ITSN1: variants seen among roughly 807,000 people sequenced by gnomAD.
The protein encoded by ITSN1 is intersectin-1.
Under a neutral mutation model 239.8 loss-of-function variants are expected in ITSN1, and 58 were observed. That is an observed-to-expected ratio of 0.24 (90% CI 0.20 to 0.30). ITSN1 has a LOEUF of 0.30. Ranked by LOEUF, ITSN1 falls within the 10% of genes least tolerant of loss-of-function variation. The probability of loss-of-function intolerance (pLI) is 1.00; values close to 1 mark genes in which losing one functional copy is unlikely to be tolerated. For missense variants in ITSN1, 1,558 were observed against 2,103.3 expected, an observed-to-expected ratio of 0.74 and a Z score of 5.07; for synonymous variants, 780 against 770.8, an observed-to-expected ratio of 1.01 and a Z score of -0.20.
At chr21:33,705,671 C>T (rs1024203075) in intron 1 of ITSN1, among the ~76,000 whole-genome samples, 20 of 152,206 alleles carry the variant, frequency 1.3e-4, no homozygotes, top group Admixed American at 5.2e-4. Flanking sequence ...GGATTACAGG[C>T]GTGAGCCACT....
intron 5 of ITSN1, among the ~76,000 whole-genome samples, chr21:33,738,767 C>T (rs141300348): frequency 0.019 from 2,815 of 152,052 alleles, 38 homozygotes; most frequent in Non-Finnish European, 0.026. Context: ...GGTGACATGA[C>T]GTGTCACTCT....
chr21:33,879,792 G>A (rs533957340), intron 34 of ITSN1, among the ~76,000 whole-genome samples: 60 of 152,270 alleles, frequency 3.9e-4, no homozygotes, highest in Non-Finnish European at 7.5e-4. Flanking sequence ...AGATTCTCCT[G>A]CCTCAGCTTC....
intron 30 of ITSN1, among the ~76,000 whole-genome samples, 182 bp downstream of exon 30, chr21:33,857,039 A>C (rs1248246226): frequency 1.3e-5 from 2 of 152,192 alleles, no homozygotes; most frequent in African/African-American, 4.8e-5. Context: ...TTGCTTATCC[A>C]TGGCCAACAT....
intron 26 of ITSN1, chr21:33,829,276 T>C (rs2074151858): frequency 2.9e-6 from 1 of 343,864 alleles, no homozygotes; most frequent in African/African-American, 2.1e-5. Flanking sequence ...GCCCCACCCT[T>C]GGCCTCAGGG....
intron 7 of ITSN1, among the ~76,000 whole-genome samples, chr21:33,753,299 A>G (rs1176963494): frequency 6.6e-6 from 1 of 152,208 alleles, no homozygotes; most frequent in East Asian, 1.9e-4. Flanking sequence ...TGCCAGGCAC[A>G]TCATTAATCC....
At chr21:33,780,903 A>G (rs1277236502) in intron 14 of ITSN1, among the ~76,000 whole-genome samples, 1 of 152,208 alleles carries the variant, frequency 6.6e-6, no homozygotes, top group Non-Finnish European at 1.5e-5. Context: ...TTGCTTCAAA[A>G]CTTTTGTGTA....
intron 1 of ITSN1, among the ~76,000 whole-genome samples, chr21:33,717,722 A>AT (rs776218924): frequency 7.3e-6 from 1 of 137,560 alleles, no homozygotes; most frequent in Non-Finnish European, 1.6e-5. Flanking sequence ...CGCCCAGCTA[A>AT]TTTTTTTTGT....
rs2089078771 is a variant in ITSN1 at position 33,656,405 on chromosome 21, A to G, written c.-33+13692A>G. 2.0e-5 allele frequency among the ~76,000 whole-genome samples: 3 copies of G among 152,344 alleles called. No homozygotes were observed. In the South Asian group the frequency reaches 6.2e-4, roughly 32 times the overall value. ...AATGTTGTAGTATTTCAGTGGTGTCATTTCCTTTCACATACATATAAAATG... is the reference window on the plus strand; with the variant it reads ...AATGTTGTAGTATTTCAGTGGTGTCGTTTCCTTTCACATACATATAAAATG... On this transcript the variant is annotated intron_variant, in intron 1 of 39. Transcript: ENST00000381318.
chr21:33,832,104 C>T (rs746992272), intron 27 of ITSN1, among the ~76,000 whole-genome samples: 24 of 152,124 alleles, frequency 1.6e-4, no homozygotes, highest in African/African-American at 4.8e-5. Flanking sequence ...CACGTCTTAC[C>T]GCTGAGCAAT....
At chr21:33,645,732 T>A (rs1213087633) in intron 1 of ITSN1, among the ~76,000 whole-genome samples, 1 of 152,068 alleles carries the variant, frequency 6.6e-6, no homozygotes, top group Non-Finnish European at 1.5e-5. Context: ...CAGCTAGAGG[T>A]GGGGCCCTGG....
intron 33 of ITSN1, among the ~76,000 whole-genome samples, chr21:33,874,767 GC>G (rs1159377590): frequency 6.6e-6 from 1 of 150,652 alleles, no homozygotes; most frequent in Non-Finnish European, 1.5e-5. Context: ...TTCTGCCTCA[GC>G]CCCCCGAGTA....
chr21:33,649,468 A>T lies in ITSN1; in HGVS notation c.-33+6755A>T, dbSNP rs147564098. On this transcript the variant is annotated intron_variant, in intron 1 of 39. Transcript: ENST00000381318. ...CGGTGTTTTTCTAGTAGAATTAATG[A>T]TAGGTAGCTTGCTTTATTAGCTTAC... Among the ~76,000 whole-genome samples the T allele has an allele frequency of 7.0e-3, 1,061 of 152,318 alleles. 7 individuals are homozygous for T. Among genetic ancestry groups the T allele is most frequent in the African/African-American group, 0.024 (1,004 of 41,558 alleles).
In ITSN1 at chr21:33,788,454, G is replaced by A. The variant is rs915904482; in HGVS notation, c.1825-5887G>A. Among the ~76,000 whole-genome samples the A allele has an allele frequency of 2.0e-5, 3 of 152,352 alleles. No homozygotes were observed. The South Asian group carries it at 6.2e-4, about 32-fold the overall frequency. On this transcript the variant is annotated intron_variant, in intron 16 of 39. Transcript: ENST00000381318. ...AGAATTTAAATAACCAGTCAGGCCA[G>A]GTGCAGTGGCTCATGCCTATAATCC...
chr21:33,782,921 A>T (rs1053181137), intron 16 of ITSN1, among the ~76,000 whole-genome samples: 1 of 152,098 alleles, frequency 6.6e-6, no homozygotes, highest in Non-Finnish European at 1.5e-5. Context: ...GCTACTTGGG[A>T]GGCTGAGGCA....
At chr21:33,838,519 C>G in intron 29 of ITSN1, 3 of 950,690 alleles carry the variant, frequency 3.2e-6, no homozygotes, top group Non-Finnish European at 3.8e-6. Flanking sequence ...TCTCTGTGTT[C>G]TTGATGTTGG....
chr21:33,756,757 C>G (rs2147569797), intron 8 of ITSN1: 1 of 152,100 alleles, frequency 6.6e-6, no homozygotes, highest in East Asian at 1.9e-4. Context: ...AACCAGCCTA[C>G]CTTATGCAGG....
Position 33,826,828 on chromosome 21 carries a change from C to G in ITSN1, c.3194C>G (p.Thr1065Ser), listed in dbSNP as rs1281209283. The G allele has an allele frequency of 1.2e-6, 2 of 1,613,764 alleles. No homozygotes were observed. The highest frequency in any genetic ancestry group is 2.7e-5 in the African/African-American group (2 of 74,890). Reference protein sequence around the residue: ...VRLKDSEGSGTAGKTGSLGKK... With the variant: ...VRLKDSEGSGSAGKTGSLGKK... Reference sequence around the variant, plus strand: ...TTGCTCTGTTTTAAGGGCTCTGGAACTGCTGGGAAAACAGGGAGTTTAGGA... The same window carrying G: ...TTGCTCTGTTTTAAGGGCTCTGGAAGTGCTGGGAAAACAGGGAGTTTAGGA... The change falls in exon 26 of 40, where the codon ACT (threonine) becomes AGT (serine). Residue 1065 changes from threonine (T) to serine (S), a missense_variant. Thr to Ser is a moderately conservative substitution (Grantham distance 58). Around this residue, in one of 2 missense-constraint regions of ITSN1, gnomAD observed 576 missense variants for 893.3 expected, o/e 0.64. Transcript: ENST00000381318.
intron 24 of ITSN1, among the ~76,000 whole-genome samples, chr21:33,819,720 C>T (rs1330734910): frequency 5.3e-5 from 8 of 152,148 alleles, no homozygotes; most frequent in Admixed American, 1.3e-4. Flanking sequence ...CGGTGGCTCA[C>T]GCCTGTAATC....
At chr21:33,794,199 T>C in intron 16 of ITSN1, 142 bp from the exon 17 acceptor site, 1 of 626,012 alleles carries the variant, frequency 1.6e-6, no homozygotes, top group Non-Finnish European at 2.9e-6. Flanking sequence ...TGATTCTAGC[T>C]TTCCAAGTTG....
Sources: gnomAD v4.1 joint callset for allele counts (sites outside exome capture counted in the v4.1 genomes callset) on GRCh38, gnomAD v4.1.1 for gene constraint, gnomAD v4.1.1 regional missense constraint, MANE v1.5 for transcripts, NCBI Gene and HGNC (gene_info 2026-07-23, HGNC 2026-07-21) for gene names.